ARHGEF12: variants seen among roughly 807,000 people sequenced by gnomAD.
ARHGEF12 encodes the protein KMT2A/ARHGEF12 fusion protein.
Under a neutral mutation model 211.2 loss-of-function variants are expected in ARHGEF12, and 66 were observed. The ratio of observed to expected loss-of-function variants is 0.31; its 90% confidence interval spans 0.26 to 0.38. The LOEUF is 0.38. Ranked by LOEUF, ARHGEF12 falls within the 10% of genes least tolerant of loss-of-function variation. The pLI, the probability that ARHGEF12 is intolerant of heterozygous loss-of-function variation, is 1.00. For synonymous variants in ARHGEF12, 592 were observed against 638.4 expected, an observed-to-expected ratio of 0.93 and a Z score of 1.09; for missense variants, 1,429 against 1,869.5, an observed-to-expected ratio of 0.76 and a Z score of 4.34.
At chr11:120,420,709 C>A (rs1253018621) in intron 4 of ARHGEF12, 44 bp from the exon 5 acceptor site, 8 of 1,518,112 alleles carry the variant, frequency 5.3e-6, no homozygotes, top group East Asian at 2.3e-5. Flanking sequence ...TTTCCTTTCT[C>A]TGTTTTCTCT....
In ARHGEF12 at chr11:120,336,662, A is replaced by G. The variant is rs887237144; in HGVS notation, c.-582A>G. 6.6e-6 allele frequency among the ~76,000 whole-genome samples: 1 copy of G among 151,814 alleles called. No homozygotes were observed. The highest frequency in any genetic ancestry group is 1.5e-5 in the Non-Finnish European group (1 of 67,910). ...TCCGCCGGCGCCAGCGGCTCGTCCCAGCACCGGGAGCCTGGTGAGGGCGGC... is the reference window on the plus strand; with the variant it reads ...TCCGCCGGCGCCAGCGGCTCGTCCCGGCACCGGGAGCCTGGTGAGGGCGGC... On this transcript the variant is annotated 5_prime_UTR_variant, in exon 1 of 41. Transcript: ENST00000397843.
intron 1 of ARHGEF12, among the ~76,000 whole-genome samples, chr11:120,384,926 T>A (rs1001248151): frequency 2.6e-5 from 4 of 151,790 alleles, no homozygotes; most frequent in African/African-American, 9.7e-5. Flanking sequence ...TTTATCTGGC[T>A]TTAGGAAAAG....
chr11:120,468,111 C>A (rs530682869), intron 29 of ARHGEF12, among the ~76,000 whole-genome samples: 76 of 152,292 alleles, frequency 5.0e-4, no homozygotes, highest in African/African-American at 1.5e-3. Context: ...CAAATCAATG[C>A]GGTGTAATTC....
chr11:120,345,228 G>A (rs1467714564), intron 1 of ARHGEF12, among the ~76,000 whole-genome samples: 1 of 152,176 alleles, frequency 6.6e-6, no homozygotes, highest in African/African-American at 2.4e-5. Context: ...CAGAAACTAA[G>A]AACCCATGAC....
chr11:120,391,663 G>C (rs1226347337), intron 1 of ARHGEF12, among the ~76,000 whole-genome samples: 1 of 152,210 alleles, frequency 6.6e-6, no homozygotes, highest in Non-Finnish European at 1.5e-5. Context: ...TTACCAGATT[G>C]CCTCTCAGTA....
At chr11:120,423,218 C>A (rs900034777) in intron 6 of ARHGEF12, among the ~76,000 whole-genome samples, 4 of 152,048 alleles carry the variant, frequency 2.6e-5, no homozygotes, top group Non-Finnish European at 5.9e-5. Flanking sequence ...ATACATTTGG[C>A]TGTCAGAAAA....
rs149196240 is a variant in ARHGEF12 at position 120,392,768 on chromosome 11, A to G, written c.33-13350A>G. Among the ~76,000 whole-genome samples the G allele has an allele frequency of 1.4e-4, 21 of 152,326 alleles. No individual in the cohort carries two copies. The East Asian group carries it at 4.0e-3, about 29-fold the overall frequency. ...GCTGCTTGCTTCTTCACTCAGGTTCAGTGGGAGGGAGAGAAAGAAGTTTCA... is the reference window on the plus strand; with the variant it reads ...GCTGCTTGCTTCTTCACTCAGGTTCGGTGGGAGGGAGAGAAAGAAGTTTCA... On this transcript the variant is annotated intron_variant, in intron 1 of 40. Coordinates refer to ENST00000397843, the MANE Select transcript of ARHGEF12 (RefSeq NM_015313.3).
intron 4 of ARHGEF12, among the ~76,000 whole-genome samples, chr11:120,419,791 GTT>G (rs1945131039): frequency 6.6e-6 from 1 of 152,006 alleles, no homozygotes; most frequent in South Asian, 2.1e-4. Flanking sequence ...TTTAGAAAAA[GTT>G]TTTATTTTCT....
At chr11:120,418,019 T>C (rs997193440) in intron 4 of ARHGEF12, among the ~76,000 whole-genome samples, 7 of 152,230 alleles carry the variant, frequency 4.6e-5, no homozygotes, top group African/African-American at 1.7e-4. Context: ...TAGAAGTCTC[T>C]AGAATTTAGG....
At chr11:120,378,376 G>C (rs1426795881) in intron 1 of ARHGEF12, among the ~76,000 whole-genome samples, 2 of 152,156 alleles carry the variant, frequency 1.3e-5, no homozygotes, top group African/African-American at 4.8e-5. Flanking sequence ...GAGAGGTAAG[G>C]TATGGGTCCT....
At chr11:120,404,642 C>T (rs180830216) in intron 1 of ARHGEF12, among the ~76,000 whole-genome samples, 33 of 152,200 alleles carry the variant, frequency 2.2e-4, no homozygotes, top group East Asian at 3.9e-4. Context: ...TGGGAACTTC[C>T]GGGATTCTTT....
chr11:120,403,981 GA>G (rs1944618378), intron 1 of ARHGEF12, among the ~76,000 whole-genome samples: 1 of 152,168 alleles, frequency 6.6e-6, no homozygotes, highest in Non-Finnish European at 1.5e-5. Context: ...TGGATTATCT[GA>G]TCTTCCTTCC....
intron 4 of ARHGEF12, chr11:120,411,341 C>T (rs368092713): frequency 2.6e-5 from 4 of 152,050 alleles, no homozygotes; most frequent in Admixed American, 6.5e-5. Context: ...TGTGAATAGA[C>T]GTCTTTAGAT....
At chr11:120,412,349 G>A (rs538829800) in intron 4 of ARHGEF12, among the ~76,000 whole-genome samples, 1 of 152,290 alleles carries the variant, frequency 6.6e-6, no homozygotes, top group African/African-American at 2.4e-5. Flanking sequence ...TCAGGCCACT[G>A]TAACAAAATA....
At chr11:120,476,203 T>A in intron 33 of ARHGEF12, 1 of 154,142 alleles carries the variant, frequency 6.5e-6, no homozygotes, top group East Asian at 1.9e-4. Context: ...CCTGAGTAGC[T>A]GGGACTACAG....
At position 120,347,198 on chromosome 11, in the gene ARHGEF12, T is replaced by TTCTTTC. The variant is rs1555090072; in HGVS notation, c.32+9931_32+9936dup. 3.7e-3 allele frequency among the ~76,000 whole-genome samples: 524 copies of TTCTTTC among 141,168 alleles called. 24 individuals are homozygous for TTCTTTC. Among genetic ancestry groups the TTCTTTC allele is most frequent in the African/African-American group, 0.014 (503 of 35,058 alleles). The allele number at this position is 141,168 out of a possible 152,430, so 92.6% of individuals were successfully genotyped here. ...TTCCTTCCTTCCTTTCTTTCTTTCTTTCTTTCTCTTTCTTTTTCTTTCTTT... is the reference window on the plus strand; with the variant it reads ...TTCCTTCCTTCCTTTCTTTCTTTCTTTCTTTCTCTTTCTCTTTCTTTTTCTTTCTTT... On this transcript the variant is annotated intron_variant, in intron 1 of 40. Coordinates refer to ENST00000397843, the MANE Select transcript of ARHGEF12 (RefSeq NM_015313.3).
chr11:120,467,111 C>A, intron 28 of ARHGEF12, 83 bp from the exon 29 acceptor site: 2 of 799,304 alleles, frequency 2.5e-6, no homozygotes, highest in Admixed American at 2.2e-5. Context: ...AACTGTGATG[C>A]ATTAAACCCT....
At chr11:120,337,382 G>T (rs1458687980) in intron 1 of ARHGEF12, 107 bp downstream of exon 1, 2 of 1,579,862 alleles carry the variant, frequency 1.3e-6, no homozygotes, top group Admixed American at 3.6e-5. Context: ...ACAGGCAGAG[G>T]AAAGAGGGTT....
intron 6 of ARHGEF12, 130 bp downstream of exon 6, chr11:120,421,982 A>T (rs1463741212): frequency 1.6e-6 from 1 of 631,626 alleles, no homozygotes; most frequent in African/African-American, 1.9e-5. Flanking sequence ...TCTGTTGACT[A>T]TACAAACTTA....
Sources: gnomAD v4.1 joint callset for allele counts (sites outside exome capture counted in the v4.1 genomes callset) on GRCh38, gnomAD v4.1.1 for gene constraint, MANE v1.5 for transcripts, NCBI Gene and HGNC (gene_info 2026-07-23, HGNC 2026-07-21) for gene names.